Variants in SETX observed in about 807,000 individuals in gnomAD.
SETX encodes senataxin.
SETX carries 90 observed loss-of-function variants against 227.2 expected under a neutral mutation model. That is an observed-to-expected ratio of 0.40 (90% CI 0.33 to 0.47). SETX has a LOEUF of 0.47. Ranked by LOEUF, SETX falls within the 20% of genes least tolerant of loss-of-function variation. The probability of loss-of-function intolerance (pLI) is 0.91; values close to 1 mark genes in which losing one functional copy is unlikely to be tolerated. For missense variants in SETX, 3,052 were observed against 3,181.5 expected (o/e 0.96, Z 0.98); for synonymous variants, 1,210 against 1,113.2 (o/e 1.09, Z -1.73).
intron 10 of SETX, among the ~76,000 whole-genome samples, chr9:132,320,048 A>G (rs1229700221): frequency 6.6e-6 from 1 of 152,234 alleles, no homozygotes; most frequent in African/African-American, 2.4e-5. Flanking sequence ...GTGCACATGT[A>G]TCCAATTAAC....
At chr9:132,278,557 C>T (rs767130632) in intron 20 of SETX, among the ~76,000 whole-genome samples, 13 of 143,332 alleles carry the variant, frequency 9.1e-5, no homozygotes, top group Admixed American at 3.9e-4. Flanking sequence ...CAGGTTCAAG[C>T]GATTCTCATG....
intron 25 of SETX, 104 bp from the exon 26 acceptor site, chr9:132,265,089 T>C (rs1271443449): frequency 7.7e-7 from 1 of 1,291,466 alleles, no homozygotes; most frequent in Non-Finnish European, 1.1e-6. Flanking sequence ...CATATTATTG[T>C]ATGAACATAT....
intron 21 of SETX, 68 bp from the exon 22 acceptor site, chr9:132,277,220 C>T: frequency 3.5e-6 from 5 of 1,441,810 alleles, no homozygotes; most frequent in Non-Finnish European, 4.8e-6. Flanking sequence ...CTTGGTATTA[C>T]TACAATTTTT....
chr9:132,355,217 G>A (rs12235964), upstream of SETX, among the ~76,000 whole-genome samples: 9,198 of 152,118 alleles, frequency 0.06, 386 homozygotes, highest in East Asian at 0.25. Flanking sequence ...AGGGTGGACG[G>A]GGAGAGTTTG....
intron 20 of SETX, among the ~76,000 whole-genome samples, chr9:132,280,856 A>G (rs1843460689): frequency 1.3e-5 from 2 of 152,146 alleles, no homozygotes; most frequent in Admixed American, 1.3e-4. Context: ...AACAGAGAAG[A>G]GTAGACTACA....
chr9:132,296,751 A>G lies in SETX; in HGVS notation c.5949+136T>C. Reference sequence around the variant, plus strand: ...CCTCTGCCACCCTTTTCTCTGACACAGTTACACACAATATAAAAAATATAT... The same window carrying G: ...CCTCTGCCACCCTTTTCTCTGACACGGTTACACACAATATAAAAAATATAT... On this transcript the variant is annotated intron_variant, in intron 14 of 25. Coordinates refer to ENST00000224140, the MANE Select transcript of SETX (RefSeq NM_015046.7). 3 of 813,670 alleles carry G rather than the reference A, an allele frequency of 3.7e-6. No individual in the cohort carries two copies. In the South Asian group the frequency reaches 5.0e-5, roughly 13 times the overall value. The allele number at this position is 813,670 out of a possible 1,614,324, so 50.4% of individuals were successfully genotyped here. A position where few individuals can be genotyped will look rare whatever the true frequency, so the allele number is the denominator to read the frequency against.
rs1371481374 is a variant in SETX, at chr9:132,269,449, G to C, written c.7287+166C>G. 7 of 1,579,818 alleles carry C rather than the reference G, an allele frequency of 4.4e-6. No individual in the cohort carries two copies. The Admixed American group carries it at 1.2e-4, about 27-fold the overall frequency. On this transcript the variant is annotated intron_variant, in intron 25 of 25. Coordinates refer to ENST00000224140, the MANE Select transcript of SETX (RefSeq NM_015046.7). ...CTTGGGTTCTGGGCTGAAAAAAGGC[G>C]AATGGTTCACGTGTACACAAAAGCT...
Position 132,327,886 on chromosome 9 carries a change from C to T in SETX, c.3712G>A (p.Val1238Ile). The change falls in exon 10 of 26, where the codon GTT becomes ATT. Residue 1238 changes from valine (V) to isoleucine (I), a missense_variant. Around this residue, in one of 10 missense-constraint regions of SETX, gnomAD observed 1,483 missense variants for 1,312.0 expected, o/e 1.13. Transcript: ENST00000224140. ...TCTEPIRKVP[V>I]SKTPKKTHSD... ...TGAGTTTTCTTAGGGGTCTTAGAAA[C>T]TGGAACTTTCCTGATGGGTTCTGTA... The T allele has an allele frequency of 6.2e-7, 1 of 1,614,168 alleles. No homozygotes were observed.
chr9:132,274,616 A>G (rs1031866321), intron 23 of SETX, among the ~76,000 whole-genome samples: 1 of 150,130 alleles, frequency 6.7e-6, no homozygotes, highest in African/African-American at 2.5e-5. Flanking sequence ...TAATTTTTGT[A>G]TTTTTTTTCA....
intron 23 of SETX, among the ~76,000 whole-genome samples, chr9:132,274,321 G>A (rs996576584): frequency 2.6e-5 from 4 of 152,216 alleles, no homozygotes; most frequent in Admixed American, 1.3e-4. Context: ...GGAAGCATGT[G>A]AGAATGACTT....
rs1402185856 is a variant in SETX, at chr9:132,277,107, T to G, written c.6888A>C (p.Pro2296=). The part of the protein sequence containing the change: ...IRCSSDWPFQ[P]YLVFDVGDGS... ...CATCTCCAACATCAAACACAAGGTATGGCTGAAATGGCCAATCTGATGAAC... is the reference window on the plus strand; with the variant it reads ...CATCTCCAACATCAAACACAAGGTAGGGCTGAAATGGCCAATCTGATGAAC... Residue 2296 remains proline, a synonymous_variant, in exon 22 of 26, where the codon CCA becomes CCC. Coordinates refer to ENST00000224140, the MANE Select transcript of SETX (RefSeq NM_015046.7). 1 of 1,613,620 alleles carries G rather than the reference T, an allele frequency of 6.2e-7. No individual in the cohort carries two copies. Among genetic ancestry groups the G allele is most frequent in the African/African-American group, 1.3e-5 (1 of 74,802 alleles).
chr9:132,356,728 G>T (rs1269382555), upstream of SETX, among the ~76,000 whole-genome samples: 2 of 152,162 alleles, frequency 1.3e-5, no homozygotes, highest in Non-Finnish European at 2.9e-5. Context: ...TGCGGGAAAG[G>T]CCCAAGGCGA....
At chr9:132,306,928 T>C (rs1247871361) in intron 11 of SETX, among the ~76,000 whole-genome samples, 1 of 152,258 alleles carries the variant, frequency 6.6e-6, no homozygotes, top group Non-Finnish European at 1.5e-5. Flanking sequence ...TCATATCTTC[T>C]GTTGAACCAA....
chr9:132,348,368 A>C (rs12345153), intron 3 of SETX, among the ~76,000 whole-genome samples: 1,952 of 51,734 alleles, frequency 0.038, 59 homozygotes, highest in African/African-American at 0.13. Flanking sequence ...GTCTCAAAAA[A>C]AAAACAAAAC....
Position 132,298,562 on chromosome 9 carries a change from C to G in SETX, c.5549-250G>C, listed in dbSNP as rs7875226. On this transcript the variant is annotated intron_variant, in intron 12 of 25. Coordinates refer to ENST00000224140, the MANE Select transcript of SETX (RefSeq NM_015046.7). ...GGTAGTAAGTGCTCTGAAGAAAGCA[C>G]ACAAAGGGAGGAAGTGATGGGGATG... Among the ~76,000 whole-genome samples, 38,036 of 151,902 alleles carry G rather than the reference C, an allele frequency of 0.25. 6,058 individuals are homozygous for G. The highest frequency in any genetic ancestry group is 0.67 in the East Asian group (3,457 of 5,162).
upstream of SETX, among the ~76,000 whole-genome samples, chr9:132,356,207 C>CT (rs1294705890): frequency 2.6e-5 from 4 of 151,554 alleles, no homozygotes; most frequent in African/African-American, 9.7e-5. Flanking sequence ...CTATCCCCCC[C>CT]CTTTTTTGTT....
In SETX at chr9:132,348,060, T is replaced by TA. The variant is rs761391787; in HGVS notation, c.177+1191dup. ...AAAAAAAGAAGTTATTATTACCAAT[T>TA]AAAAAAAAAAAACCCTGGCCAGGCG... On this transcript the variant is annotated intron_variant, in intron 3 of 25. Coordinates refer to ENST00000224140, the MANE Select transcript of SETX (RefSeq NM_015046.7). Among the ~76,000 whole-genome samples, 445 of 142,716 alleles carry TA rather than the reference T, an allele frequency of 3.1e-3. 1 individual carries two copies. The highest frequency in any genetic ancestry group is 9.4e-3 in the East Asian group (47 of 4,992). The allele number at this position is 142,716 out of a possible 152,430, so 93.6% of individuals were successfully genotyped here.
rs771505704 is a variant in SETX, at chr9:132,261,599, GAA to G, written c.*2638_*2639del. The G allele has an allele frequency of 2.6e-5, 4 of 152,668 alleles. No homozygotes were observed. The highest frequency in any genetic ancestry group is 9.7e-5 in the African/African-American group (4 of 41,400). 9.5% of individuals were successfully genotyped at this position (152,668 alleles called of 1,614,324 possible). Reference sequence around the variant, plus strand: ...ATCGCAGCTATTAATTCACAGCATAGAAAAGTCAAAGCTATAGCAAAAAATTG... The same window carrying G: ...ATCGCAGCTATTAATTCACAGCATAGAAGTCAAAGCTATAGCAAAAAATTG... On this transcript the variant is annotated 3_prime_UTR_variant, in exon 26 of 26. Coordinates refer to ENST00000224140, the MANE Select transcript of SETX (RefSeq NM_015046.7).
intron 10 of SETX, 29 bp downstream of exon 10, chr9:132,326,293 GGA>G: frequency 6.7e-7 from 1 of 1,490,656 alleles, no homozygotes; most frequent in Non-Finnish European, 9.3e-7. Context: ...TGAAAAGTTT[GGA>G]GAGGCATACA....
Sources: allele counts gnomAD v4.1 joint callset (sites outside exome capture counted in the v4.1 genomes callset), GRCh38; gene constraint gnomAD v4.1.1; regional missense constraint gnomAD v4.1.1; transcripts MANE v1.5; gene names NCBI Gene and HGNC (gene_info 2026-07-23, HGNC 2026-07-21).